The following FHOD3 variants were observed in gnomAD, a reference collection of about 807,000 sequenced individuals.
The protein encoded by FHOD3 is FH1/FH2 domain-containing protein 3.
In FHOD3, 90 loss-of-function variants were observed where a neutral mutation model predicts 173.0. The observed-to-expected ratio is 0.52, with a 90% CI of 0.44 to 0.62. FHOD3 has a LOEUF of 0.62. Ranked by LOEUF, FHOD3 falls within the 20% of genes least tolerant of loss-of-function variation. FHOD3 has a pLI of 0.00. For missense variants in FHOD3, 1,945 were observed against 2,034.7 expected, an observed-to-expected ratio of 0.96 and a Z score of 0.85; for synonymous variants, 828 against 823.0, an observed-to-expected ratio of 1.01 and a Z score of -0.10.
chr18:36,407,700 C>T (rs1189402372), intron 3 of FHOD3, among the ~76,000 whole-genome samples: 1 of 152,142 alleles, frequency 6.6e-6, no homozygotes, highest in East Asian at 1.9e-4. Context: ...CTGCAGACAC[C>T]CTACACGAAT....
At chr18:36,721,544 G>T (rs981272244) in intron 19 of FHOD3, among the ~76,000 whole-genome samples, 10 of 152,120 alleles carry the variant, frequency 6.6e-5, no homozygotes, top group African/African-American at 2.4e-4. Context: ...TACTTGGGAG[G>T]CTGAGATGGG....
chr18:36,565,794 TACTC>T (rs2058242546), intron 5 of FHOD3, among the ~76,000 whole-genome samples: 2 of 152,176 alleles, frequency 1.3e-5, no homozygotes, highest in African/African-American at 4.8e-5. Context: ...CAAGCCAAAA[TACTC>T]ACACATCAGT....
chr18:36,344,243 A>G (rs2045775368), intron 1 of FHOD3, among the ~76,000 whole-genome samples: 1 of 152,242 alleles, frequency 6.6e-6, no homozygotes, highest in African/African-American at 2.4e-5. Flanking sequence ...AGAAGCACAG[A>G]AATGCAGGAA....
chr18:36,406,480 GA>G (rs1463559822), intron 3 of FHOD3, among the ~76,000 whole-genome samples: 3 of 152,178 alleles, frequency 2.0e-5, no homozygotes, highest in African/African-American at 4.8e-5. Flanking sequence ...TCTGGCATAG[GA>G]TTAGGAGTGG....
chr18:36,473,503 C>T (rs1419535730), intron 3 of FHOD3, among the ~76,000 whole-genome samples: 1 of 152,228 alleles, frequency 6.6e-6, no homozygotes, highest in African/African-American at 2.4e-5. Context: ...GATGAGTTAA[C>T]TCATTGAAGT....
In FHOD3 at chr18:36,772,929, C is replaced by T. The variant is rs142697265; in HGVS notation, c.4786+3503C>T. On this transcript the variant is annotated intron_variant, in intron 28 of 28. Coordinates refer to ENST00000590592, the MANE Select transcript of FHOD3 (RefSeq NM_001281740.3). ...GGACTGGCCCCTCCTGTAAAGACAG[C>T]GGAGGGTACCTATGCATGAGCACAA... Among the ~76,000 whole-genome samples, 149 of 152,282 alleles carry T rather than the reference C, an allele frequency of 9.8e-4. 1 individual carries two copies. The East Asian group carries it at 0.016, about 16-fold the overall frequency.
chr18:36,642,328 C>T (rs1385196770), intron 10 of FHOD3, among the ~76,000 whole-genome samples: 1 of 151,960 alleles, frequency 6.6e-6, no homozygotes, highest in Non-Finnish European at 1.5e-5. Flanking sequence ...TTTTAAAAAT[C>T]CTAATTGTAG....
chr18:36,354,086 G>T (rs2046252142), intron 1 of FHOD3, among the ~76,000 whole-genome samples: 1 of 152,178 alleles, frequency 6.6e-6, no homozygotes. Context: ...CAACTCTAAG[G>T]CAAGACTGTG....
intron 5 of FHOD3, among the ~76,000 whole-genome samples, chr18:36,560,976 C>T (rs1416278162): frequency 1.3e-5 from 2 of 152,004 alleles, no homozygotes; most frequent in Admixed American, 1.3e-4. Flanking sequence ...CCCCCATACC[C>T]CAACCCTCAT....
intron 15 of FHOD3, among the ~76,000 whole-genome samples, chr18:36,685,235 T>A (rs995143231): frequency 6.6e-6 from 1 of 152,218 alleles, no homozygotes; most frequent in Non-Finnish European, 1.5e-5. Flanking sequence ...TTCAAGTGAT[T>A]CTAACTTGTC....
intron 14 of FHOD3, among the ~76,000 whole-genome samples, chr18:36,658,515 T>A (rs2036571041): frequency 6.6e-6 from 1 of 152,218 alleles, no homozygotes; most frequent in Non-Finnish European, 1.5e-5. Flanking sequence ...AGCTCTGCAA[T>A]TTGTTATATA....
intron 5 of FHOD3, among the ~76,000 whole-genome samples, chr18:36,536,894 AG>A (rs2057017264): frequency 6.6e-6 from 1 of 152,242 alleles, no homozygotes; most frequent in Admixed American, 6.5e-5. Context: ...ATTTTTCAAA[AG>A]GAAACTTCTC....
chr18:36,637,262 A>G (rs1418736009), intron 10 of FHOD3, among the ~76,000 whole-genome samples: 1 of 152,176 alleles, frequency 6.6e-6, no homozygotes, highest in Non-Finnish European at 1.5e-5. Context: ...ACAAAATCAT[A>G]TTCATTTGTT....
chr18:36,398,952 C>T (rs1171758573), intron 3 of FHOD3, among the ~76,000 whole-genome samples: 1 of 152,068 alleles, frequency 6.6e-6, no homozygotes, highest in Admixed American at 6.6e-5. Context: ...TTTGGTCTGG[C>T]TGGTGTTGAG....
At chr18:36,519,943 G>A (rs2056188961) in intron 5 of FHOD3, among the ~76,000 whole-genome samples, 1 of 139,736 alleles carries the variant, frequency 7.2e-6, no homozygotes, top group Non-Finnish European at 1.5e-5. Flanking sequence ...TGAAGAGTAA[G>A]GCTTTTCTTT....
At chr18:36,580,290 G>A (rs73429694) in intron 6 of FHOD3, among the ~76,000 whole-genome samples, 2,063 of 152,246 alleles carry the variant, frequency 0.014, 53 homozygotes, top group African/African-American at 0.047. Flanking sequence ...CATTTGGGCC[G>A]TCAGCACTGG....
intron 7 of FHOD3, among the ~76,000 whole-genome samples, chr18:36,599,896 G>T (rs2031092619): frequency 7.1e-6 from 1 of 141,134 alleles, no homozygotes; most frequent in African/African-American, 2.6e-5. Flanking sequence ...ACATATTTGA[G>T]TATCAATTGT....
At chr18:36,712,868 A>C (rs1187546515) in intron 18 of FHOD3, among the ~76,000 whole-genome samples, 1 of 151,758 alleles carries the variant, frequency 6.6e-6, no homozygotes, top group African/African-American at 2.4e-5. Flanking sequence ...ATTTTGTAAG[A>C]GGCTAGAAAG....
intron 3 of FHOD3, among the ~76,000 whole-genome samples, chr18:36,465,261 G>T (rs529120091): frequency 6.6e-6 from 1 of 152,308 alleles, no homozygotes; most frequent in East Asian, 1.9e-4. Context: ...TCGGGAGGCG[G>T]AAGTTGCAGT....
Sources: gnomAD v4.1 joint callset for allele counts (sites outside exome capture counted in the v4.1 genomes callset) on GRCh38, gnomAD v4.1.1 for gene constraint, MANE v1.5 for transcripts, NCBI Gene and HGNC (gene_info 2026-07-23, HGNC 2026-07-21) for gene names.